PAK6: variants seen among roughly 807,000 people sequenced by gnomAD.
PAK6 encodes p21 (RAC1) activated kinase 6.
PAK6 carries 33 observed loss-of-function variants against 60.8 expected under a neutral mutation model. That is an observed-to-expected ratio of 0.54 (90% confidence interval 0.41 to 0.73). The LOEUF is 0.73. Ranked by LOEUF, PAK6 falls within the 30% of genes least tolerant of loss-of-function variation. The pLI, the probability that PAK6 is intolerant of heterozygous loss-of-function variation, is 0.00. For missense variants in PAK6, 845 were observed against 904.1 expected, an observed-to-expected ratio of 0.93 and a Z score of 0.84; for synonymous variants, 404 against 378.5, an observed-to-expected ratio of 1.07 and a Z score of -0.78.
chr15:40,257,378 G>C (rs546523871), intron 3 of PAK6, among the ~76,000 whole-genome samples: 1 of 152,344 alleles, frequency 6.6e-6, no homozygotes, highest in South Asian at 2.1e-4. Flanking sequence ...GAATCCCTTC[G>C]GTGGGCTGTG....
intron 2 of PAK6, among the ~76,000 whole-genome samples, chr15:40,247,888 T>C (rs764900062): frequency 6.6e-6 from 1 of 152,124 alleles, no homozygotes; most frequent in Non-Finnish European, 1.5e-5. Flanking sequence ...AGCTCCAGTG[T>C]GCATGCCCAG....
chr15:40,249,584 C>T (rs894806087), intron 2 of PAK6, among the ~76,000 whole-genome samples: 6 of 152,164 alleles, frequency 3.9e-5, no homozygotes, highest in Non-Finnish European at 8.8e-5. Flanking sequence ...GGAGTCTGAA[C>T]GGAGTAAAAG....
intron 10 of PAK6, among the ~76,000 whole-genome samples, chr15:40,275,280 G>GTTTTCTTTTTCTTTT (rs1448905930): frequency 2.5e-4 from 14 of 56,486 alleles, no homozygotes; most frequent in African/African-American, 8.7e-4. Flanking sequence ...GTTGTTGTTG[G>GTTTTCTTTTTCTTTT]TTTTTTTTTT....
intron 1 of PAK6, among the ~76,000 whole-genome samples, chr15:40,240,252 C>T (rs1349163946): frequency 6.6e-6 from 1 of 152,230 alleles, no homozygotes; most frequent in Non-Finnish European, 1.5e-5. Flanking sequence ...CCAGTCAGCA[C>T]CCATGTGCGT....
intron 3 of PAK6, among the ~76,000 whole-genome samples, chr15:40,261,143 C>T (rs1412361779): frequency 6.6e-6 from 1 of 151,988 alleles, no homozygotes; most frequent in Non-Finnish European, 1.5e-5. Context: ...CCACCTCGGC[C>T]TCCCAAAGTG....
chr15:40,268,624 G>A (rs1196387039), intron 5 of PAK6, among the ~76,000 whole-genome samples: 1 of 152,194 alleles, frequency 6.6e-6, no homozygotes, highest in Non-Finnish European at 1.5e-5. Flanking sequence ...CAGTGTGCCA[G>A]GCATGGCTGC....
chr15:40,267,949 G>T (rs779318338), intron 5 of PAK6, among the ~76,000 whole-genome samples: 1 of 152,160 alleles, frequency 6.6e-6, no homozygotes, highest in African/African-American at 2.4e-5. Flanking sequence ...GGAGAAAGGG[G>T]TTGTCAACAC....
At chr15:40,249,881 C>T (rs941241160) in intron 2 of PAK6, among the ~76,000 whole-genome samples, 4 of 152,266 alleles carry the variant, frequency 2.6e-5, no homozygotes, top group Non-Finnish European at 5.9e-5. Context: ...GAGATGGCAC[C>T]ACTCCAAGAG....
chr15:40,259,136 C>G (rs951984078), intron 3 of PAK6: 1 of 152,278 alleles, frequency 6.6e-6, no homozygotes, highest in African/African-American at 2.4e-5. Context: ...TGGAGGAAAG[C>G]TCCTCCCCTA....
rs376444596 is a variant in PAK6 at position 40,264,999 on chromosome 15, G to A, written c.204+10G>A. ...GCTCCAGCCCATGAAGGTAAGAGGGGCCGGCAGGGATGAGGTTCAGCCTCT... is the reference window on the plus strand; with the variant it reads ...GCTCCAGCCCATGAAGGTAAGAGGGACCGGCAGGGATGAGGTTCAGCCTCT... On this transcript the variant is annotated intron_variant, in intron 4 of 10. Coordinates refer to ENST00000560346, the Ensembl canonical transcript of PAK6. 14 of 1,610,720 alleles carry A rather than the reference G, an allele frequency of 8.7e-6. No individual in the cohort carries two copies. The African/African-American group carries it at 1.7e-4, about 20-fold the overall frequency.
Position 40,252,034 on chromosome 15 carries a change from G to A in PAK6, c.-117-1144G>A, listed in dbSNP as rs76211846. 466 of 240,936 alleles carry A rather than the reference G, an allele frequency of 1.9e-3. 2 individuals are homozygous for A. The highest frequency in any genetic ancestry group is 9.8e-3 in the African/African-American group (414 of 42,214). 14.9% of individuals were successfully genotyped at this position (240,936 alleles called of 1,614,324 possible). Reference sequence around the variant, plus strand: ...CCTCAGGACTCAGGACTGCGCAAGGGCTGACAAGGGAACTGGAATCCCTTA... The same window carrying A: ...CCTCAGGACTCAGGACTGCGCAAGGACTGACAAGGGAACTGGAATCCCTTA... On this transcript the variant is annotated intron_variant, in intron 2 of 10. Transcript: ENST00000560346.
At chr15:40,269,883 C>A (rs745340368) in intron 5 of PAK6, among the ~76,000 whole-genome samples, 6 of 152,250 alleles carry the variant, frequency 3.9e-5, no homozygotes, top group Non-Finnish European at 8.8e-5. Context: ...TCAGCCTGTC[C>A]ACGTGGTACC....
exon 7 of PAK6, chr15:40,272,989 T>C: frequency 6.2e-7 from 1 of 1,613,716 alleles, no homozygotes; most frequent in Non-Finnish European, 8.5e-7. Context: ...AGACATCGTC[T>C]CCCAAGTCAG....
In PAK6 at chr15:40,273,464, G is replaced by A. The variant is rs148062077; in HGVS notation, c.1609G>A (p.Asp537Asn). ...GAGTGACTCCATCCTGCTGACCCTC[G>A]ATGGCAGGGTAGGTCCCATCCTGTC... Residue 537 changes from aspartate (D) to asparagine (N), a missense_variant, in exon 8 of 11, where the codon GAT becomes AAT. Coordinates refer to ENST00000560346, the Ensembl canonical transcript of PAK6. The A allele has an allele frequency of 9.9e-5, 159 of 1,613,444 alleles. 1 individual carries two copies. Among genetic ancestry groups the A allele is most frequent in the South Asian group, 8.6e-4 (78 of 91,032 alleles).
exon 9 of PAK6, chr15:40,273,668 G>A (rs1283399029): frequency 1.2e-6 from 2 of 1,613,890 alleles, no homozygotes; most frequent in East Asian, 2.2e-5. Flanking sequence ...GTCTTTGTAT[G>A]CCACTGAGGT....
chr15:40,244,449 G>A (rs2038444476), intron 2 of PAK6, among the ~76,000 whole-genome samples: 1 of 149,600 alleles, frequency 6.7e-6, no homozygotes, highest in South Asian at 2.1e-4. Flanking sequence ...CCAGGCTGGA[G>A]TGCAGTGGCA....
At chr15:40,273,776 G>C in intron 9 of PAK6, 100 bp downstream of exon 9, 2 of 1,398,202 alleles carry the variant, frequency 1.4e-6, no homozygotes, top group Non-Finnish European at 2.0e-6. Context: ...AAGCAGCCCT[G>C]GTTTTCAGAG....
intron 5 of PAK6, 151 bp downstream of exon 5, chr15:40,266,646 T>G: frequency 3.0e-6 from 2 of 656,358 alleles, no homozygotes; most frequent in Non-Finnish European, 4.8e-6. Flanking sequence ...ACCTCTTCTC[T>G]AAGGAGGGTG....
intron 2 of PAK6, chr15:40,252,366 G>A (rs2038697073): frequency 7.6e-7 from 1 of 1,311,468 alleles, no homozygotes; most frequent in South Asian, 1.2e-5. Flanking sequence ...GCTGTGGCCA[G>A]GCCAGGGCCC....
Sources: gnomAD v4.1 joint callset for allele counts (sites outside exome capture counted in the v4.1 genomes callset) on GRCh38, gnomAD v4.1.1 for gene constraint, MANE v1.5 for transcripts, NCBI Gene and HGNC (gene_info 2026-07-23, HGNC 2026-07-21) for gene names.